Variants in DNAH6 observed in about 807,000 individuals in gnomAD.
The protein encoded by DNAH6 is dynein axonemal heavy chain 6, also known as axonemal beta dynein heavy chain 6.
A neutral mutation model predicts 491.4 loss-of-function variants in DNAH6; 340 were observed. The observed-to-expected ratio is 0.69, with a 90% CI of 0.63 to 0.76. DNAH6 has a LOEUF of 0.76. DNAH6 is among the 30% of genes least tolerant of loss of function. The pLI, the probability that DNAH6 is intolerant of heterozygous loss-of-function variation, is 0.00. For synonymous variants in DNAH6, 1,603 were observed against 1,686.1 expected (o/e 0.95, Z 1.21); for missense variants, 4,443 against 4,972.2 (o/e 0.89, Z 3.20).
intron 4 of DNAH6, among the ~76,000 whole-genome samples, chr2:84,529,636 G>GTA (rs1558668262): frequency 6.6e-6 from 1 of 152,096 alleles, no homozygotes; most frequent in Non-Finnish European, 1.5e-5. Context: ...TGTTGTTGCC[G>GTA]CACATTTGTT....
chr2:84,588,972 C>G lies in DNAH6; in HGVS notation c.2610+18C>G. 6.5e-7 allele frequency: 1 copy of G among 1,537,218 alleles called. No homozygotes were observed. The highest frequency in any genetic ancestry group is 8.8e-7 in the Non-Finnish European group (1 of 1,141,580). ...ATTTTAAGGTAATGACAGTTTTACA[C>G]CATCTGTCTTAGAAATGTGTGTATA... On this transcript the variant is annotated intron_variant, in intron 16 of 76. Coordinates refer to ENST00000389394, the MANE Select transcript of DNAH6 (RefSeq NM_001370.2).
chr2:84,591,324 TAAAG>T (rs1010612189), intron 16 of DNAH6, among the ~76,000 whole-genome samples: 8 of 151,988 alleles, frequency 5.3e-5, no homozygotes, highest in African/African-American at 1.5e-4. Context: ...ATTCAAAAGA[TAAAG>T]AAAACAATTT....
At chr2:84,737,305 G>T (rs540204761) in intron 62 of DNAH6, among the ~76,000 whole-genome samples, 5 of 151,918 alleles carry the variant, frequency 3.3e-5, no homozygotes, top group African/African-American at 1.2e-4. Context: ...TTTTGTGTCT[G>T]TGCCAGATAT....
At chr2:84,480,534 T>C in the DNAH6 span, among the ~76,000 whole-genome samples, 1 of 152,226 alleles carries the variant, frequency 6.6e-6, no homozygotes, top group Non-Finnish European at 1.5e-5. Context: ...AAATAATCTA[T>C]GTCAAGCACG....
chr2:84,574,243 T>C (rs1295863041), intron 12 of DNAH6, among the ~76,000 whole-genome samples: 3 of 152,092 alleles, frequency 2.0e-5, no homozygotes, highest in African/African-American at 7.2e-5. Context: ...TACAATTACA[T>C]TGATACTTTG....
intron 18 of DNAH6, among the ~76,000 whole-genome samples, chr2:84,598,698 A>G (rs6547572): frequency 0.81 from 122,689 of 152,102 alleles, 52,172 homozygotes; most frequent in East Asian, 0.99. Flanking sequence ...TTTGTTTTTT[A>G]ATTTCAGTCA....
At chr2:84,779,347 G>A (rs911165722) in intron 64 of DNAH6, among the ~76,000 whole-genome samples, 3 of 152,098 alleles carry the variant, frequency 2.0e-5, no homozygotes, top group African/African-American at 7.2e-5. Context: ...TCTATATTTA[G>A]GATAGTTAAG....
At chr2:84,674,959 G>A (rs1030399704) in intron 40 of DNAH6, among the ~76,000 whole-genome samples, 7 of 152,176 alleles carry the variant, frequency 4.6e-5, no homozygotes, top group African/African-American at 1.7e-4. Context: ...GAGGCATAAG[G>A]CTTGCTGTCT....
chr2:84,718,482 G>C, intron 59 of DNAH6, 98 bp downstream of exon 59: 1 of 1,019,754 alleles, frequency 9.8e-7, no homozygotes, highest in Non-Finnish European at 1.3e-6. Flanking sequence ...AAGCAAGACG[G>C]GGGCCACACT....
At chr2:84,720,704 C>G (rs1252717412) in intron 59 of DNAH6, among the ~76,000 whole-genome samples, 1 of 152,162 alleles carries the variant, frequency 6.6e-6, no homozygotes, top group Non-Finnish European at 1.5e-5. Context: ...GTCATTGCCA[C>G]CCTTCTGTCT....
At chr2:84,485,655 T>C in the DNAH6 span, among the ~76,000 whole-genome samples, 7 of 152,056 alleles carry the variant, frequency 4.6e-5, no homozygotes, top group African/African-American at 7.2e-5. Flanking sequence ...TTTTCTCCAA[T>C]ATTGGAGATT....
At chr2:84,741,860 A>G (rs1362397631) in intron 62 of DNAH6, among the ~76,000 whole-genome samples, 3 of 152,200 alleles carry the variant, frequency 2.0e-5, no homozygotes, top group Non-Finnish European at 4.4e-5. Context: ...TATGTCAGGC[A>G]CAAGGCCCTA....
intron 21 of DNAH6, 56 bp from the exon 22 acceptor site, chr2:84,611,618 C>T: frequency 1.4e-6 from 2 of 1,415,818 alleles, no homozygotes; most frequent in African/African-American, 1.4e-5. Context: ...TTTACTGTAA[C>T]CATATGTTTT....
intron 31 of DNAH6, 94 bp from the exon 32 acceptor site, chr2:84,640,333 TATA>T (rs1434642555): frequency 2.6e-6 from 2 of 773,234 alleles, no homozygotes; most frequent in Non-Finnish European, 4.0e-6. Context: ...ACTTGGAAAG[TATA>T]ATGTTTAGAG....
At chr2:84,474,438 C>T in the DNAH6 span, among the ~76,000 whole-genome samples, 1 of 152,146 alleles carries the variant, frequency 6.6e-6, no homozygotes, top group Non-Finnish European at 1.5e-5. Context: ...ACAATGGCTG[C>T]TTCTAAAAAT....
In DNAH6 at chr2:84,639,229, G is replaced by T. The variant is rs184252246; in HGVS notation, c.4822-1201G>T. Among the ~76,000 whole-genome samples the T allele has an allele frequency of 1.1e-3, 165 of 152,180 alleles. 1 individual carries two copies. The highest frequency in any genetic ancestry group is 3.2e-3 in the African/African-American group (131 of 41,520). ...TACAAACAGGGACAATAAATGACTT[G>T]CTCATTGTCCCAACTTGGTAGGAAG... On this transcript the variant is annotated intron_variant, in intron 31 of 76. Coordinates refer to ENST00000389394, the MANE Select transcript of DNAH6 (RefSeq NM_001370.2).
At chr2:84,692,006 C>T (rs1169460048) in intron 45 of DNAH6, among the ~76,000 whole-genome samples, 2 of 152,202 alleles carry the variant, frequency 1.3e-5, no homozygotes, top group African/African-American at 2.4e-5. Context: ...AAGTTTGATT[C>T]TTATTTCAGA....
Position 84,781,742 on chromosome 2 carries a change from G to A in DNAH6, c.10864+89G>A, listed in dbSNP as rs1036562024. 2.9e-6 allele frequency: 4 copies of A among 1,379,506 alleles called. No homozygotes were observed. In the African/African-American group the frequency reaches 4.4e-5, roughly 15 times the overall value. 85.5% of individuals were successfully genotyped at this position (1,379,506 alleles called of 1,614,324 possible). On this transcript the variant is annotated intron_variant, in intron 65 of 76. Transcript: ENST00000389394. ...TCATTCCTTATAGTAATTCATTATT[G>A]TAGGCACTGTGTTTCCATATATGAA...
rs770089068 is a variant in DNAH6 at position 84,607,114 on chromosome 2, G to A, written c.3294+19G>A. On this transcript the variant is annotated intron_variant, in intron 21 of 76. Coordinates refer to ENST00000389394, the MANE Select transcript of DNAH6 (RefSeq NM_001370.2). ...AACACTGGTGAGTAAGAATAATTTT[G>A]ATTCATACACTCAGAGAATTGGAGA... The A allele has an allele frequency of 3.4e-5, 52 of 1,546,992 alleles. No individual in the cohort carries two copies. Among genetic ancestry groups the A allele is most frequent in the Middle Eastern group, 1.7e-4 (1 of 5,986 alleles).
Sources: allele counts gnomAD v4.1 joint callset (sites outside exome capture counted in the v4.1 genomes callset), GRCh38; gene constraint gnomAD v4.1.1; transcripts MANE v1.5; gene names NCBI Gene and HGNC (gene_info 2026-07-23, HGNC 2026-07-21).